The following CACNA2D3 variants were observed in gnomAD, a reference collection of about 807,000 sequenced individuals.
CACNA2D3 encodes voltage-dependent calcium channel subunit alpha-2/delta-3.
Under a neutral mutation model 160.6 loss-of-function variants are expected in CACNA2D3, and 60 were observed. That is an observed-to-expected ratio of 0.37 (90% CI 0.30 to 0.46). CACNA2D3 has a LOEUF of 0.46. Among genes scored for constraint, CACNA2D3 ranks in the 20% least tolerant of loss-of-function variants. The pLI, the probability that CACNA2D3 is intolerant of heterozygous loss-of-function variation, is 1.00. For synonymous variants in CACNA2D3, 558 were observed against 492.9 expected (o/e 1.13, Z -1.75); for missense variants, 1,205 against 1,365.0 (o/e 0.88, Z 1.85).
At chr3:54,489,948 A>G (rs900585518) in intron 4 of CACNA2D3, among the ~76,000 whole-genome samples, 2 of 152,142 alleles carry the variant, frequency 1.3e-5, no homozygotes, top group African/African-American at 4.8e-5. Context: ...AAATGAGATG[A>G]TTGAGTAGTA....
intron 18 of CACNA2D3, among the ~76,000 whole-genome samples, chr3:54,872,436 C>T (rs940300070): frequency 3.9e-5 from 6 of 152,026 alleles, no homozygotes; most frequent in East Asian, 1.9e-4. Flanking sequence ...TCTGCCCTAC[C>T]CTCCCAGATT....
chr3:54,180,632 G>T (rs535047699), intron 2 of CACNA2D3, among the ~76,000 whole-genome samples: 1 of 152,252 alleles, frequency 6.6e-6, no homozygotes, highest in African/African-American at 2.4e-5. Flanking sequence ...ATCATTGTTG[G>T]TAGCTATATA....
At chr3:54,719,472 GATAAA>G (rs1239190342) in intron 11 of CACNA2D3, among the ~76,000 whole-genome samples, 5 of 151,778 alleles carry the variant, frequency 3.3e-5, no homozygotes, top group Non-Finnish European at 7.4e-5. Context: ...ATTTTCAAAT[GATAAA>G]ATAACTTTAC....
chr3:54,178,961 ACT>A (rs2107320355), intron 2 of CACNA2D3, among the ~76,000 whole-genome samples: 1 of 151,994 alleles, frequency 6.6e-6, no homozygotes, highest in East Asian at 1.9e-4. Context: ...TGCATAGCAA[ACT>A]TTTTTTTTTA....
At chr3:54,400,756 A>G (rs746651681) in intron 4 of CACNA2D3, among the ~76,000 whole-genome samples, 8 of 152,310 alleles carry the variant, frequency 5.3e-5, no homozygotes, top group Non-Finnish European at 1.2e-4. Context: ...GTCTTTCCCT[A>G]TAAAAGCCAG....
chr3:54,529,992 C>G (rs1221658302), intron 5 of CACNA2D3, among the ~76,000 whole-genome samples: 1 of 152,090 alleles, frequency 6.6e-6, no homozygotes, highest in Non-Finnish European at 1.5e-5. Context: ...CCTTTGCAGT[C>G]CATTGTAGAC....
chr3:54,347,832 A>G (rs1325003108), intron 3 of CACNA2D3, among the ~76,000 whole-genome samples: 2 of 151,880 alleles, frequency 1.3e-5, no homozygotes, highest in African/African-American at 2.4e-5. Context: ...AATGACCTCA[A>G]TTTCCTTCCA....
intron 11 of CACNA2D3, among the ~76,000 whole-genome samples, chr3:54,667,532 G>A (rs1450879615): frequency 1.3e-5 from 2 of 152,112 alleles, no homozygotes; most frequent in African/African-American, 2.4e-5. Flanking sequence ...CCAGGGTATT[G>A]AACCTTGAAA....
chr3:54,969,053 A>G (rs938372394), intron 28 of CACNA2D3, among the ~76,000 whole-genome samples: 9 of 152,146 alleles, frequency 5.9e-5, no homozygotes, highest in Middle Eastern at 3.2e-3. Flanking sequence ...AGTTGCTTCC[A>G]TCTGACCAAG....
At chr3:54,784,967 A>T (rs944511495) in intron 13 of CACNA2D3, among the ~76,000 whole-genome samples, 10 of 152,154 alleles carry the variant, frequency 6.6e-5, no homozygotes, top group African/African-American at 2.4e-4. Context: ...GTACCTCTCT[A>T]CACTCTTGGG....
chr3:54,870,738 C>T, intron 17 of CACNA2D3, among the ~76,000 whole-genome samples: 1 of 152,274 alleles, frequency 6.6e-6, no homozygotes, highest in East Asian at 1.9e-4. Flanking sequence ...TTACATCTGG[C>T]TATGATTCCC....
At chr3:54,984,932 A>G (rs569374384) in intron 30 of CACNA2D3, among the ~76,000 whole-genome samples, 27 of 152,270 alleles carry the variant, frequency 1.8e-4, no homozygotes, top group Non-Finnish European at 3.2e-4. Flanking sequence ...AAAATGTTCA[A>G]TTTATAGAAC....
intron 3 of CACNA2D3, among the ~76,000 whole-genome samples, chr3:54,335,028 A>T (rs1227978171): frequency 1.3e-5 from 2 of 152,224 alleles, no homozygotes; most frequent in Non-Finnish European, 2.9e-5. Flanking sequence ...CATTGATGTA[A>T]AGTGTTTTAG....
At chr3:54,825,573 CA>C (rs1181475618) in intron 14 of CACNA2D3, among the ~76,000 whole-genome samples, 2 of 151,950 alleles carry the variant, frequency 1.3e-5, no homozygotes, top group African/African-American at 4.8e-5. Flanking sequence ...CTGAAATCAA[CA>C]ATGTATGAAT....
At chr3:54,866,097 G>C (rs904296511) in intron 17 of CACNA2D3, among the ~76,000 whole-genome samples, 2 of 151,862 alleles carry the variant, frequency 1.3e-5, no homozygotes, top group Admixed American at 6.6e-5. Context: ...ATGAGGGTGG[G>C]AGCTCATTCT....
At chr3:54,298,310 A>G (rs1429927393) in intron 2 of CACNA2D3, among the ~76,000 whole-genome samples, 1 of 152,242 alleles carries the variant, frequency 6.6e-6, no homozygotes, top group Non-Finnish European at 1.5e-5. Context: ...CTTGGTATTT[A>G]TGGCTTCCAG....
At chr3:54,151,386 G>C (rs1384703708) in intron 2 of CACNA2D3, among the ~76,000 whole-genome samples, 1 of 150,370 alleles carries the variant, frequency 6.7e-6, no homozygotes, top group East Asian at 1.9e-4. Flanking sequence ...TGGATGAGTA[G>C]ATGGATGAAT....
intron 2 of CACNA2D3, among the ~76,000 whole-genome samples, chr3:54,244,068 C>T (rs538374329): frequency 6.6e-6 from 1 of 152,334 alleles, no homozygotes; most frequent in East Asian, 1.9e-4. Flanking sequence ...TAGTAATGCC[C>T]CCCAGTCCTT....
intron 29 of CACNA2D3, among the ~76,000 whole-genome samples, chr3:54,976,020 A>G (rs926031717): frequency 1.3e-5 from 2 of 151,698 alleles, no homozygotes; most frequent in Non-Finnish European, 2.9e-5. Flanking sequence ...TTAGGTATCC[A>G]TAGAGATTAG....
Sources: allele counts gnomAD v4.1 joint callset (sites outside exome capture counted in the v4.1 genomes callset), GRCh38; gene constraint gnomAD v4.1.1; transcripts MANE v1.5; gene names NCBI Gene and HGNC (gene_info 2026-07-23, HGNC 2026-07-21).